Variants in PHF3 observed in about 807,000 individuals in gnomAD.
PHF3 encodes PHD finger protein 3.
In PHF3, 41 loss-of-function variants were observed where a neutral mutation model predicts 178.4. The ratio of observed to expected loss-of-function variants is 0.23; its 90% CI spans 0.18 to 0.30. PHF3 has a LOEUF of 0.30. Among genes scored for constraint, PHF3 ranks in the 10% least tolerant of loss-of-function variants. The probability of loss-of-function intolerance (pLI) is 1.00; values close to 1 mark genes in which losing one functional copy is unlikely to be tolerated. For missense variants in PHF3, 2,346 were observed against 2,398.1 expected, an observed-to-expected ratio of 0.98 and a Z score of 0.45; for synonymous variants, 842 against 800.5, an observed-to-expected ratio of 1.05 and a Z score of -0.88.
intron 5 of PHF3, 121 bp downstream of exon 5, chr6:63,692,164 T>C (rs1438601042): frequency 8.9e-6 from 7 of 789,822 alleles, no homozygotes; most frequent in Non-Finnish European, 1.4e-5. Flanking sequence ...CAAATTTAGT[T>C]TTCCATGAAA....
intron 2 of PHF3, chr6:63,678,887 G>A (rs962326608): frequency 2.2e-6 from 1 of 446,526 alleles, no homozygotes; most frequent in African/African-American, 2.0e-5. Context: ...ACAAAGATGA[G>A]GACTAGATAA....
At position 63,723,056 on chromosome 6, in the gene PHF3, G is replaced by T. The variant is rs1768467360; in HGVS notation, c.*9348G>T. On this transcript the variant is annotated 3_prime_UTR_variant, in exon 16 of 16. Transcript: ENST00000262043. ...CAAAACGGTATCTGGCCCATAAATA[G>T]ATGCTAAATAATTATTAAATAAAGA... Among the ~76,000 whole-genome samples the T allele has an allele frequency of 6.6e-6, 1 of 152,142 alleles. No homozygotes were observed. The highest frequency in any genetic ancestry group is 6.5e-5 in the Admixed American group (1 of 15,268).
intron 4 of PHF3, among the ~76,000 whole-genome samples, chr6:63,691,267 G>A (rs1037492519): frequency 2.0e-5 from 3 of 152,126 alleles, no homozygotes; most frequent in East Asian, 1.9e-4. Flanking sequence ...TATTTAAAAC[G>A]ATTTGTTGGA....
At chr6:63,639,858 ACTT>A (rs1345251168) in intron 1 of PHF3, among the ~76,000 whole-genome samples, 1 of 152,142 alleles carries the variant, frequency 6.6e-6, no homozygotes, top group Non-Finnish European at 1.5e-5. Flanking sequence ...TAGGTCCACT[ACTT>A]TGGTGGTTTA....
rs933169926 is a variant in PHF3, at chr6:63,721,425, G to C, written c.*7717G>C. Reference sequence around the variant, plus strand: ...TGTCCCATCACAGTCACCTACATTTGAGCCACCTTTTGCTCCAAATTCAGT... The same window carrying C: ...TGTCCCATCACAGTCACCTACATTTCAGCCACCTTTTGCTCCAAATTCAGT... On this transcript the variant is annotated 3_prime_UTR_variant, in exon 16 of 16. Transcript: ENST00000262043. The C allele has an allele frequency of 1.5e-5, 24 of 1,551,508 alleles. No individual in the cohort carries two copies. Among genetic ancestry groups the C allele is most frequent in the Non-Finnish European group, 2.1e-5 (24 of 1,146,942 alleles).
In PHF3 at chr6:63,686,343, GT is replaced by G. The variant is rs533212365; in HGVS notation, c.2189+443del. 9.9e-3 allele frequency: 1,479 copies of G among 149,320 alleles called. 20 individuals are homozygous for G. Among genetic ancestry groups the G allele is most frequent in the African/African-American group, 0.032 (1,284 of 40,558 alleles). 9.2% of individuals were successfully genotyped at this position (149,320 alleles called of 1,614,324 possible). A position where few individuals can be genotyped will look rare whatever the true frequency, so the allele number is the denominator to read the frequency against. ...ATGGAAATTCTATTTTTCTTTTGAA[GT>G]TTTTTTTTTTCTTAAAATGAAACAT... On this transcript the variant is annotated intron_variant, in intron 4 of 15. Transcript: ENST00000262043.
chr6:63,672,758 C>T (rs1455295814), intron 2 of PHF3, among the ~76,000 whole-genome samples: 6 of 152,164 alleles, frequency 3.9e-5, no homozygotes, highest in African/African-American at 1.4e-4. Context: ...AGAAACCTAA[C>T]TTGGGAGTAT....
Position 63,712,863 on chromosome 6 carries a change from G to A in PHF3, c.5275G>A (p.Ala1759Thr), listed in dbSNP as rs745439135. 1 of 1,614,044 alleles carries A rather than the reference G, an allele frequency of 6.2e-7. No individual in the cohort carries two copies. Among genetic ancestry groups the A allele is most frequent in the African/African-American group, 1.3e-5 (1 of 75,024 alleles). Residue 1759 changes from alanine (A) to threonine (T), a missense_variant, in exon 16 of 16, where the codon GCA becomes ACA. By Grantham distance (58) the Ala-to-Thr change is moderately conservative. Around this residue, in one of 8 missense-constraint regions of PHF3, gnomAD observed 839 missense variants for 806.9 expected, o/e 1.04. Coordinates refer to ENST00000262043, the MANE Select transcript of PHF3 (RefSeq NM_001370348.2). Reference sequence around the variant, plus strand: ...TGTGCACCCATTTCGAAGAGGATCAGCAGTAGCGACATCTCATTTTGAAGT... The same window carrying A: ...TGTGCACCCATTTCGAAGAGGATCAACAGTAGCGACATCTCATTTTGAAGT... ...ETVHPFRRGS[A>T]VATSHFEVGN...
chr6:63,642,802 C>A (rs1561936014), intron 1 of PHF3, among the ~76,000 whole-genome samples: 1 of 152,208 alleles, frequency 6.6e-6, no homozygotes, highest in South Asian at 2.1e-4. Context: ...TTAAATTAGA[C>A]AATTTGTTTA....
chr6:63,681,212 T>A (rs1039303665), intron 3 of PHF3, among the ~76,000 whole-genome samples: 1 of 152,056 alleles, frequency 6.6e-6, no homozygotes, highest in Non-Finnish European at 1.5e-5. Context: ...GTATGTTATC[T>A]GATTTCTTCT....
chr6:63,636,085 T>TCGG lies in PHF3; in HGVS notation c.-83_-81dup. ...CCACCGGGCCCCCTCCTCCTCCTCT[T>TCGG]CGGCGGCGGCAGCGTCCACCATCTT... is the stretch of plus-strand genomic sequence containing the variant. On this transcript the variant is annotated 5_prime_UTR_variant, in exon 1 of 16. Transcript: ENST00000262043. The TCGG allele has an allele frequency of 2.6e-6, 1 of 391,554 alleles. No individual in the cohort carries two copies. The highest frequency in any genetic ancestry group is 4.5e-6 in the Non-Finnish European group (1 of 221,976). The allele number at this position is 391,554 out of a possible 1,614,324, so 24.3% of individuals were successfully genotyped here.
rs1262653090 is a variant in PHF3, at chr6:63,717,460, TA to T, written c.*3756del. ...TCTGTCTCTTAAAGCAAATTGCAAA[TA>T]AAATTGGTTACTGCTTTTAAAAAGG... On this transcript the variant is annotated 3_prime_UTR_variant, in exon 16 of 16. Coordinates refer to ENST00000262043, the MANE Select transcript of PHF3 (RefSeq NM_001370348.2). 6.6e-6 allele frequency among the ~76,000 whole-genome samples: 1 copy of T among 152,000 alleles called. No homozygotes were observed. Among genetic ancestry groups the T allele is most frequent in the Non-Finnish European group, 1.5e-5 (1 of 67,962 alleles).
intron 2 of PHF3, among the ~76,000 whole-genome samples, chr6:63,660,704 A>T (rs114688214): frequency 0.012 from 1,780 of 152,264 alleles, 30 homozygotes; most frequent in African/African-American, 0.041. Flanking sequence ...ATGGCAAGAA[A>T]GCAAGGTCCT....
In PHF3 at chr6:63,669,745, A is replaced by T. The variant is rs77251290; in HGVS notation, c.245-10255A>T. Among the ~76,000 whole-genome samples the T allele has an allele frequency of 6.3e-3, 963 of 152,336 alleles. 9 individuals are homozygous for T. The highest frequency in any genetic ancestry group is 0.022 in the African/African-American group (900 of 41,584). On this transcript the variant is annotated intron_variant, in intron 2 of 15. Coordinates refer to ENST00000262043, the MANE Select transcript of PHF3 (RefSeq NM_001370348.2). ...AGGGATTACCCATTCTAAACTGTTCATAAGAGGCCAGAGAAACTTATGGAA... is the reference window on the plus strand; with the variant it reads ...AGGGATTACCCATTCTAAACTGTTCTTAAGAGGCCAGAGAAACTTATGGAA...
chr6:63,687,515 C>T (rs1766765936), intron 4 of PHF3, among the ~76,000 whole-genome samples: 2 of 152,130 alleles, frequency 1.3e-5, no homozygotes, highest in Admixed American at 6.5e-5. Flanking sequence ...TTTAAGTGCT[C>T]CTTTAAACCA....
At chr6:63,695,496 A>G (rs1036377845) in intron 6 of PHF3, among the ~76,000 whole-genome samples, 53 of 152,198 alleles carry the variant, frequency 3.5e-4, no homozygotes, top group African/African-American at 1.2e-3. Flanking sequence ...TAATTAGAAC[A>G]AGAGTAGCAG....
chr6:63,637,656 CTG>C (rs1478320903), intron 1 of PHF3, among the ~76,000 whole-genome samples: 3 of 151,470 alleles, frequency 2.0e-5, no homozygotes, highest in Admixed American at 6.6e-5. Context: ...GTCATTATCA[CTG>C]TTATTATTAT....
chr6:63,664,192 G>A (rs1765584434), intron 2 of PHF3, among the ~76,000 whole-genome samples: 1 of 152,196 alleles, frequency 6.6e-6, no homozygotes, highest in Non-Finnish European at 1.5e-5. Context: ...GGTCATCCTG[G>A]GACCCAGGTT....
chr6:63,689,587 T>G (rs989104068), intron 4 of PHF3, among the ~76,000 whole-genome samples: 1 of 152,174 alleles, frequency 6.6e-6, no homozygotes, highest in African/African-American at 2.4e-5. Flanking sequence ...ACTGCATTTT[T>G]TAACCTAAAA....
Sources: gnomAD v4.1 joint callset for allele counts (sites outside exome capture counted in the v4.1 genomes callset) on GRCh38, gnomAD v4.1.1 for gene constraint, gnomAD v4.1.1 regional missense constraint, MANE v1.5 for transcripts, NCBI Gene and HGNC (gene_info 2026-07-23, HGNC 2026-07-21) for gene names.